ITGB1BP1: variants seen among roughly 807,000 people sequenced by gnomAD.
ITGB1BP1 encodes the protein integrin subunit beta 1 binding protein 1.
Under a neutral mutation model 28.0 loss-of-function variants are expected in ITGB1BP1, and 20 were observed. That is an observed-to-expected ratio of 0.71 (90% CI 0.50 to 1.04). The LOEUF (loss-of-function observed/expected upper bound fraction) is 1.04. Among genes scored for constraint, ITGB1BP1 ranks in the 50% least tolerant of loss-of-function variants. The pLI is 0.00. For missense variants in ITGB1BP1, 228 were observed against 242.5 expected (o/e 0.94, Z 0.40); for synonymous variants, 103 against 89.5 (o/e 1.15, Z -0.85).
Position 9,415,695 on chromosome 2 carries a change from G to C in ITGB1BP1, c.73-1439C>G, listed in dbSNP as rs1235592815. 6.6e-6 allele frequency among the ~76,000 whole-genome samples: 1 copy of C among 152,232 alleles called. No homozygotes were observed. Among genetic ancestry groups the C allele is most frequent in the Admixed American group, 6.5e-5 (1 of 15,284 alleles). On this transcript the variant is annotated intron_variant, in intron 2 of 6. Transcript: ENST00000355346. The surrounding 1 kb of genome is among the most constrained non-coding windows in gnomAD (Gnocchi z 4.1). ...GAGGTTCTGTGTTGAGCAGCTCCAG[G>C]AGTTCAAAAACTTCCAAGAACATGG...
intron 4 of ITGB1BP1, among the ~76,000 whole-genome samples, chr2:9,409,947 C>T (rs1005171561): frequency 6.0e-5 from 9 of 149,484 alleles, no homozygotes; most frequent in South Asian, 2.1e-4. Flanking sequence ...TGGGTTCAAG[C>T]GATTCTCCTG....
At chr2:9,408,500 C>T (rs1677862507) in intron 4 of ITGB1BP1, 4 of 258,310 alleles carry the variant, frequency 1.5e-5, no homozygotes, top group East Asian at 8.9e-5. Context: ...TGAGCACATC[C>T]GGCTAATTTT....
chr2:9,423,259 G>A (rs772481557), intron 1 of ITGB1BP1, 114 bp downstream of exon 1: 47 of 1,165,436 alleles, frequency 4.0e-5, no homozygotes, highest in Non-Finnish European at 4.6e-5. Context: ...TCCCTCCTCC[G>A]CCCGCCCCGC....
rs776137075 is a variant in ITGB1BP1, at chr2:9,412,252, G to A, written c.288+17C>T. ...AGACTCTCATAACCAGAGAGTTACG[G>A]AATTTTTTTTTTTTACCTGGGCAAC... On this transcript the variant is annotated intron_variant, in intron 4 of 6. Transcript: ENST00000355346. 3 of 1,580,452 alleles carry A rather than the reference G, an allele frequency of 1.9e-6. 1 individual carries two copies. In the Admixed American group the frequency reaches 5.2e-5, roughly 27 times the overall value.
rs1292670359 is a variant in ITGB1BP1, at chr2:9,415,271, C to T, written c.73-1015G>A. 6.6e-6 allele frequency among the ~76,000 whole-genome samples: 1 copy of T among 151,970 alleles called. No homozygotes were observed. The highest frequency in any genetic ancestry group is 2.4e-5 in the African/African-American group (1 of 41,380). The stretch of plus-strand genomic sequence containing the variant: ...GCGGGCACTTATAATCCTAGCTACT[C>T]GGGAGGCTGAGGCAGGAGAATAGCT... On this transcript the variant is annotated intron_variant, in intron 2 of 6. Transcript: ENST00000355346. This position sits in a 1 kb window ranked among gnomAD's most constrained non-coding sequence, Gnocchi z 4.1.
intron 1 of ITGB1BP1, chr2:9,422,366 A>C: frequency 1.0e-6 from 1 of 978,074 alleles, no homozygotes; most frequent in Non-Finnish European, 1.2e-6. Context: ...GGCACAGTTC[A>C]TTGATCTCAG....
At chr2:9,406,973 C>A (rs1392004529) in intron 6 of ITGB1BP1, 68 bp from the exon 7 acceptor site, 7 of 1,164,738 alleles carry the variant, frequency 6.0e-6, no homozygotes, top group African/African-American at 1.5e-5. Context: ...ATTTGGCTAG[C>A]AGAGGCACAC....
At chr2:9,420,030 C>A in intron 1 of ITGB1BP1, 1 of 982,616 alleles carries the variant, frequency 1.0e-6, no homozygotes. Flanking sequence ...AAAGGTCCCA[C>A]ATACAGCGGT....
Position 9,414,244 on chromosome 2 carries a change from T to A in ITGB1BP1, c.85A>T (p.Ser29Cys). The stretch of plus-strand genomic sequence containing the variant: ...CTGGATCGTGAAAGACCCCCAAGGC[T>A]AGAATCCACAGACTGAGAAACAGAA... ...ISTKSKSVDS[S>C]LGGLSRSSTV... The change falls in exon 3 of 7, where the codon AGC becomes TGC. Residue 29 changes from serine (S) to cysteine (C), a missense_variant. Transcript: ENST00000355346. The A allele has an allele frequency of 6.2e-7, 1 of 1,613,894 alleles. No homozygotes were observed. The highest frequency in any genetic ancestry group is 8.5e-7 in the Non-Finnish European group (1 of 1,179,814).
rs923595541 is a variant in ITGB1BP1, at chr2:9,412,412, A to ATTT, written c.152-8_152-7insAAA. 4.4e-6 allele frequency: 7 copies of ATTT among 1,597,322 alleles called. No homozygotes were observed. The highest frequency in any genetic ancestry group is 3.6e-5 in the Admixed American group (2 of 55,794). ...GAATTATTGTTGCTTTGTCCTGAAG[A>ATTT]TGAAAGAAAAGTGGTAAGACTTAAG... is the stretch of plus-strand genomic sequence containing the variant. On this transcript the variant is annotated splice_region_variant and splice_polypyrimidine_tract_variant and intron_variant, in intron 3 of 6. Coordinates refer to ENST00000355346, the MANE Select transcript of ITGB1BP1 (RefSeq NM_004763.5).
At chr2:9,416,382 G>C (rs1679140581) in intron 2 of ITGB1BP1, among the ~76,000 whole-genome samples, 1 of 152,104 alleles carries the variant, frequency 6.6e-6, no homozygotes, top group Non-Finnish European at 1.5e-5. Context: ...AGCAGACATG[G>C]AGTACAGCAG....
rs1469980686 is a variant in ITGB1BP1, at chr2:9,415,309, G to A, written c.73-1053C>T. On this transcript the variant is annotated intron_variant, in intron 2 of 6. Transcript: ENST00000355346. The surrounding 1 kb of genome is among the most constrained non-coding windows in gnomAD (Gnocchi z 4.1). Reference sequence around the variant, plus strand: ...CAGGAGAATAGCTTGAACCCAGGAGGTGGAGGTTGCAGTGAGCCAAGATCA... The same window carrying A: ...CAGGAGAATAGCTTGAACCCAGGAGATGGAGGTTGCAGTGAGCCAAGATCA... 6.6e-6 allele frequency among the ~76,000 whole-genome samples: 1 copy of A among 152,086 alleles called. No homozygotes were observed. The highest frequency in any genetic ancestry group is 2.1e-4 in the South Asian group (1 of 4,832).
At chr2:9,409,578 T>G (rs1678030062) in intron 4 of ITGB1BP1, among the ~76,000 whole-genome samples, 1 of 152,228 alleles carries the variant, frequency 6.6e-6, no homozygotes, top group African/African-American at 2.4e-5. Flanking sequence ...AAGACCACAC[T>G]GAACGTTGCG....
rs539850840 is a variant in ITGB1BP1, at chr2:9,405,803, A to C, written c.*1031T>G. On this transcript the variant is annotated 3_prime_UTR_variant, in exon 7 of 7. Transcript: ENST00000355346. ...CTTTTAGCATGAGCGGTAATCTTTT[A>C]AGGTTCTCTTAACTCTAGGAATTGT... 2.6e-5 allele frequency: 4 copies of C among 152,328 alleles called. No homozygotes were observed. The East Asian group carries it at 5.8e-4, about 22-fold the overall frequency. 9.4% of individuals were successfully genotyped at this position (152,328 alleles called of 1,614,324 possible). A position where few individuals can be genotyped will look rare whatever the true frequency, so the allele number is the denominator to read the frequency against.
chr2:9,407,258 G>T, intron 6 of ITGB1BP1, 191 bp downstream of exon 6: 1 of 634,606 alleles, frequency 1.6e-6, no homozygotes, highest in Non-Finnish European at 2.7e-6. Context: ...GCTGCCACTG[G>T]CCCTAACAAA....
At position 9,422,895 on chromosome 2, in the gene ITGB1BP1, G is replaced by C. The variant is rs930785184; in HGVS notation, c.-36+478C>G. The stretch of plus-strand genomic sequence containing the variant: ...GCCCAGGGTCACCAGAGTAAGGACG[G>C]ATGCGGCCAAGCTCGGGGCCTAGGG... On this transcript the variant is annotated intron_variant, in intron 1 of 6. Coordinates refer to ENST00000355346, the MANE Select transcript of ITGB1BP1 (RefSeq NM_004763.5). 3.0e-5 allele frequency: 30 copies of C among 986,306 alleles called. No individual in the cohort carries two copies. In the African/African-American group the frequency reaches 5.1e-4, roughly 17 times the overall value. 61.1% of individuals were successfully genotyped at this position (986,306 alleles called of 1,614,324 possible). A position where few individuals can be genotyped will look rare whatever the true frequency, so the allele number is the denominator to read the frequency against.
At position 9,412,329 on chromosome 2, in the gene ITGB1BP1, G is replaced by A. The variant is rs1292080748; in HGVS notation, c.228C>T (p.Leu76=). The A allele has an allele frequency of 6.2e-7, 1 of 1,612,048 alleles. No individual in the cohort carries two copies. The highest frequency in any genetic ancestry group is 8.5e-7 in the Non-Finnish European group (1 of 1,178,604). The change falls in exon 4 of 7, where the codon CTC becomes CTT. Residue 76 remains leucine, a synonymous_variant. Transcript: ENST00000355346. ...GCCCTTCAAGGCCTTTTCCCTCGGA[G>A]AGTTTCAGTTTCTCAATGGCACCAA... ...KYVGAIEKLK[L]SEGKGLEGPL...
At chr2:9,412,633 A>G (rs1005525176) in intron 3 of ITGB1BP1, 1 of 386,378 alleles carries the variant, frequency 2.6e-6, no homozygotes, top group African/African-American at 2.1e-5. Flanking sequence ...TCTCAATAAT[A>G]GGAATAAATA....
At chr2:9,413,338 C>CT (rs951186499) in intron 3 of ITGB1BP1, among the ~76,000 whole-genome samples, 38 of 150,742 alleles carry the variant, frequency 2.5e-4, no homozygotes, top group Middle Eastern at 3.4e-3. Flanking sequence ...CTTTTTTTTT[C>CT]TTTTTTTTGA....
Sources: allele counts gnomAD v4.1 joint callset (sites outside exome capture counted in the v4.1 genomes callset), GRCh38; gene constraint gnomAD v4.1.1; non-coding constraint Gnocchi (gnomAD v3.1); transcripts MANE v1.5; gene names NCBI Gene and HGNC (gene_info 2026-07-23, HGNC 2026-07-21).